Variants in RIMBP2 observed in about 807,000 individuals in gnomAD.
RIMBP2 encodes the protein RIMS-binding protein 2.
RIMBP2 carries 48 observed loss-of-function variants against 118.6 expected under a neutral mutation model. The ratio of observed to expected loss-of-function variants is 0.40; its 90% CI spans 0.32 to 0.51. The LOEUF (loss-of-function observed/expected upper bound fraction) is 0.51, where lower values mean the gene tolerates loss of function less well. RIMBP2 is among the 20% of genes least tolerant of loss of function. The pLI is 0.41. For missense variants in RIMBP2, 1,551 were observed against 1,768.3 expected (o/e 0.88, Z 2.20); for synonymous variants, 762 against 742.9 (o/e 1.03, Z -0.42).
chr12:130,452,052 C>T lies in RIMBP2; in HGVS notation c.359-712G>A, dbSNP rs534755121. 3.9e-5 allele frequency among the ~76,000 whole-genome samples: 6 copies of T among 152,298 alleles called. 1 individual carries two copies. In the East Asian group the frequency reaches 1.2e-3, roughly 29 times the overall value. On this transcript the variant is annotated intron_variant, in intron 7 of 22. Coordinates refer to ENST00000690449, the MANE Select transcript of RIMBP2 (RefSeq NM_001393629.1). Reference sequence around the variant, plus strand: ...TGGTTGCCTGGAAGGGAGCATTGAGCAACGTGACTAACGCTGGCCTGGGTG... The same window carrying T: ...TGGTTGCCTGGAAGGGAGCATTGAGTAACGTGACTAACGCTGGCCTGGGTG...
chr12:130,574,823 T>A (rs577552270), intron 2 of RIMBP2, among the ~76,000 whole-genome samples: 3 of 152,048 alleles, frequency 2.0e-5, no homozygotes, highest in Non-Finnish European at 2.9e-5. Context: ...CCAAGCCTGG[T>A]TCCCTCTGTC....
chr12:130,443,936 T>G (rs555094938), intron 10 of RIMBP2, among the ~76,000 whole-genome samples: 1 of 152,198 alleles, frequency 6.6e-6, no homozygotes, highest in Non-Finnish European at 1.5e-5. Flanking sequence ...AGGTGGGTAC[T>G]ATTACTATCT....
rs1213311900 is a variant in RIMBP2, at chr12:130,475,239, C to T, written c.102+3673G>A. Reference sequence around the variant, plus strand: ...ATGCTTTCCCTTTCACATGATCTTACGTGCTTCTCCCGACCGCCATGCAGG... The same window carrying T: ...ATGCTTTCCCTTTCACATGATCTTATGTGCTTCTCCCGACCGCCATGCAGG... On this transcript the variant is annotated intron_variant, in intron 5 of 22. Coordinates refer to ENST00000690449, the MANE Select transcript of RIMBP2 (RefSeq NM_001393629.1). The surrounding 1 kb of genome is among the most constrained non-coding windows in gnomAD (Gnocchi z 4.1). Among the ~76,000 whole-genome samples the T allele has an allele frequency of 2.0e-5, 3 of 152,190 alleles. No individual in the cohort carries two copies. The highest frequency in any genetic ancestry group is 4.1e-4 in the South Asian group (2 of 4,826).
In RIMBP2 at chr12:130,515,529, G is replaced by GTA. The variant is rs2051357677; in HGVS notation, c.-127+2297_-127+2298dup. ...AATGTCCCCAAGGTTCATCCATGCA[G>GTA]TAGCGTGTGTCAGAGTTTCCTTCCT... On this transcript the variant is annotated intron_variant, in intron 3 of 22. Transcript: ENST00000690449. Among the ~76,000 whole-genome samples the GTA allele has an allele frequency of 2.6e-5, 4 of 152,320 alleles. No homozygotes were observed. In the South Asian group the frequency reaches 8.3e-4, roughly 32 times the overall value.
intron 6 of RIMBP2, among the ~76,000 whole-genome samples, chr12:130,464,593 G>A (rs1253987438): frequency 6.6e-6 from 1 of 152,236 alleles, no homozygotes; most frequent in Non-Finnish European, 1.5e-5. Flanking sequence ...GCTTGGCCCT[G>A]CCTGGGGGAG....
intron 3 of RIMBP2, among the ~76,000 whole-genome samples, chr12:130,514,200 G>A (rs1034713497): frequency 1.7e-4 from 26 of 152,334 alleles, no homozygotes; most frequent in Admixed American, 9.8e-4. Flanking sequence ...TGCTATTCCT[G>A]TCCATGCCGG....
chr12:130,558,438 A>C (rs1169143179), intron 2 of RIMBP2, among the ~76,000 whole-genome samples: 3 of 152,160 alleles, frequency 2.0e-5, no homozygotes, highest in Non-Finnish European at 4.4e-5. Flanking sequence ...CTGAGATTGA[A>C]AGAGCAAATT....
At chr12:130,438,303 G>A (rs1246717086) in intron 12 of RIMBP2, 62 bp downstream of exon 12, 20 of 1,581,296 alleles carry the variant, frequency 1.3e-5, no homozygotes, top group East Asian at 6.7e-5. Flanking sequence ...AGCAAATACC[G>A]GGCCGGTCCC....
intron 2 of RIMBP2, among the ~76,000 whole-genome samples, chr12:130,544,135 A>T (rs979155724): frequency 6.6e-6 from 1 of 152,074 alleles, no homozygotes; most frequent in Non-Finnish European, 1.5e-5. Context: ...CCATTTATCC[A>T]TATCCTATCT....
Position 130,447,697 on chromosome 12 carries a change from G to A in RIMBP2, c.582-2428C>T, listed in dbSNP as rs910691112. 3.3e-5 allele frequency among the ~76,000 whole-genome samples: 5 copies of A among 152,126 alleles called. No individual in the cohort carries two copies. Among genetic ancestry groups the A allele is most frequent in the Non-Finnish European group, 5.9e-5 (4 of 68,020 alleles). ...AGGACCATCTCTCCGTACAGCTGGCGAAAGGAAGGATGGTGATGAATGTGT... is the reference window on the plus strand; with the variant it reads ...AGGACCATCTCTCCGTACAGCTGGCAAAAGGAAGGATGGTGATGAATGTGT... On this transcript the variant is annotated intron_variant, in intron 9 of 22. Transcript: ENST00000690449. This position sits in a 1 kb window ranked among gnomAD's most constrained non-coding sequence, Gnocchi z 4.4.
At chr12:130,500,428 A>C (rs1217984012) in intron 4 of RIMBP2, among the ~76,000 whole-genome samples, 3 of 152,204 alleles carry the variant, frequency 2.0e-5, no homozygotes, top group Non-Finnish European at 4.4e-5. Flanking sequence ...ACTGCACTCC[A>C]GCCTGGGTGA....
chr12:130,404,669 G>A (rs1253841740), intron 21 of RIMBP2, among the ~76,000 whole-genome samples: 6 of 152,220 alleles, frequency 3.9e-5, no homozygotes, highest in African/African-American at 1.4e-4. Context: ...ACAGATGAAA[G>A]GAAAAACTTT....
intron 1 of RIMBP2, among the ~76,000 whole-genome samples, chr12:130,632,596 C>G (rs1284276722): frequency 6.6e-6 from 1 of 152,164 alleles, no homozygotes; most frequent in East Asian, 1.9e-4. Context: ...CTGTCCTCGG[C>G]TCGGCCTACT....
At chr12:130,515,139 G>A (rs962128514) in intron 3 of RIMBP2, among the ~76,000 whole-genome samples, 1 of 152,152 alleles carries the variant, frequency 6.6e-6, no homozygotes, top group Non-Finnish European at 1.5e-5. Context: ...GCCTCCCAAA[G>A]TGCTGGGATT....
intron 4 of RIMBP2, among the ~76,000 whole-genome samples, chr12:130,488,755 G>C (rs2082686224): frequency 6.6e-6 from 1 of 152,200 alleles, no homozygotes; most frequent in Non-Finnish European, 1.5e-5. Flanking sequence ...GAGGATGAGA[G>C]ATGGGTCAGG....
chr12:130,714,718 C>T (rs1270935134), intron 1 of RIMBP2, among the ~76,000 whole-genome samples: 2 of 152,204 alleles, frequency 1.3e-5, no homozygotes, highest in Non-Finnish European at 2.9e-5. Flanking sequence ...AGAAGGGGTG[C>T]CCGCCGGCCT....
rs140787006 is a variant in RIMBP2, at chr12:130,460,585, G to A, written c.154-3885C>T. 2.5e-3 allele frequency among the ~76,000 whole-genome samples: 375 copies of A among 152,230 alleles called. 4 individuals are homozygous for A. Among genetic ancestry groups the A allele is most frequent in the African/African-American group, 8.3e-3 (343 of 41,536 alleles). ...AGCAGCAGCAATATTGGTATTATTT[G>A]TACTAGTAGCAACAGTATCATTATT... On this transcript the variant is annotated intron_variant, in intron 6 of 22. Coordinates refer to ENST00000690449, the MANE Select transcript of RIMBP2 (RefSeq NM_001393629.1).
intron 11 of RIMBP2, among the ~76,000 whole-genome samples, chr12:130,438,973 G>A (rs553613771): frequency 2.5e-4 from 35 of 139,656 alleles, no homozygotes; most frequent in African/African-American, 3.5e-4. Flanking sequence ...CCCCCCGCCC[G>A]CCCCTCATCC....
chr12:130,688,501 C>T lies in RIMBP2; in HGVS notation c.-352+27721G>A, dbSNP rs995398266. The stretch of plus-strand genomic sequence containing the variant: ...ACACACCACTGTCCCTCCGTGGGGG[C>T]GGCCATGTGACCAAGAGCTCCCCCA... On this transcript the variant is annotated intron_variant, in intron 1 of 22. Coordinates refer to ENST00000690449, the MANE Select transcript of RIMBP2 (RefSeq NM_001393629.1). The surrounding 1 kb of genome is among the most constrained non-coding windows in gnomAD (Gnocchi z 4.7). 6.6e-6 allele frequency among the ~76,000 whole-genome samples: 1 copy of T among 152,146 alleles called. No individual in the cohort carries two copies. The highest frequency in any genetic ancestry group is 2.4e-5 in the African/African-American group (1 of 41,430).
Sources: gnomAD v4.1 joint callset for allele counts (sites outside exome capture counted in the v4.1 genomes callset) on GRCh38, gnomAD v4.1.1 for gene constraint, Gnocchi (gnomAD v3.1) non-coding constraint, MANE v1.5 for transcripts, NCBI Gene and HGNC (gene_info 2026-07-23, HGNC 2026-07-21) for gene names.